OTUD7A: variants seen among roughly 807,000 people sequenced by gnomAD.
The protein encoded by OTUD7A is OTU deubiquitinase 7A.
Under a neutral mutation model 65.7 loss-of-function variants are expected in OTUD7A, and 12 were observed. The observed-to-expected ratio is 0.18, with a 90% CI of 0.12 to 0.30. The LOEUF (loss-of-function observed/expected upper bound fraction) is 0.30, where lower values mean the gene tolerates loss of function less well. OTUD7A is among the 10% of genes least tolerant of loss of function. The pLI, the probability that OTUD7A is intolerant of heterozygous loss-of-function variation, is 1.00. For synonymous variants in OTUD7A, 641 were observed against 586.3 expected (o/e 1.09, Z -1.35); for missense variants, 1,148 against 1,304.8 (o/e 0.88, Z 1.85).
chr15:31,681,254 T>C (rs890632552), intron 1 of OTUD7A, among the ~76,000 whole-genome samples: 6 of 152,014 alleles, frequency 3.9e-5, no homozygotes, highest in Non-Finnish European at 8.8e-5. Context: ...TAACTATCCA[T>C]GTTTCTTTCT....
chr15:31,856,128 T>C (rs1171646925), intron 1 of OTUD7A, among the ~76,000 whole-genome samples: 1 of 152,262 alleles, frequency 6.6e-6, no homozygotes, highest in African/African-American at 2.4e-5. Flanking sequence ...AAGTCTTTAA[T>C]CACTAAATAA....
rs571457697 is a variant in OTUD7A at position 31,793,808 on chromosome 15, T to C, written c.-100+76699A>G. 2.6e-5 allele frequency among the ~76,000 whole-genome samples: 4 copies of C among 152,370 alleles called. No individual in the cohort carries two copies. The East Asian group carries it at 5.8e-4, about 22-fold the overall frequency. On this transcript the variant is annotated intron_variant, in intron 1 of 12. Coordinates refer to ENST00000307050, the MANE Select transcript of OTUD7A (RefSeq NM_001382637.1). ...CTGTAAAATGCCTGATTATACACTTTGGCCATTTTTCCATGTAGGCTCTTC... is the reference window on the plus strand; with the variant it reads ...CTGTAAAATGCCTGATTATACACTTCGGCCATTTTTCCATGTAGGCTCTTC...
intron 1 of OTUD7A, chr15:31,767,123 T>C (rs1272022330): frequency 2.6e-6 from 4 of 1,543,066 alleles, no homozygotes; most frequent in East Asian, 2.2e-5. Context: ...TCTTTATTTT[T>C]TTTTCTCTAC....
intron 3 of OTUD7A, among the ~76,000 whole-genome samples, chr15:31,652,695 A>C (rs1460256865): frequency 6.6e-6 from 1 of 152,206 alleles, no homozygotes; most frequent in Non-Finnish European, 1.5e-5. Context: ...AAAGAGAATA[A>C]AAAGATGGAA....
chr15:31,505,178 G>A (rs1419665406), intron 8 of OTUD7A, among the ~76,000 whole-genome samples: 1 of 152,138 alleles, frequency 6.6e-6, no homozygotes, highest in Non-Finnish European at 1.5e-5. Context: ...TGGGTGGAAT[G>A]GGATTTTACA....
chr15:31,864,790 C>T (rs1897835426), intron 1 of OTUD7A, among the ~76,000 whole-genome samples: 1 of 151,928 alleles, frequency 6.6e-6, no homozygotes, highest in Non-Finnish European at 1.5e-5. Context: ...CACACACACA[C>T]ACACAAGTCA....
chr15:31,666,892 G>A (rs1395375924), intron 1 of OTUD7A, among the ~76,000 whole-genome samples: 1 of 152,146 alleles, frequency 6.6e-6, no homozygotes, highest in Admixed American at 6.6e-5. Context: ...TTGACCCAAT[G>A]CTCATTCAGG....
intron 8 of OTUD7A, among the ~76,000 whole-genome samples, chr15:31,519,152 G>A (rs578253027): frequency 4.7e-4 from 72 of 152,258 alleles, no homozygotes; most frequent in African/African-American, 1.6e-3. Flanking sequence ...GCACGCACGC[G>A]CACTCACACT....
At chr15:31,595,576 C>T (rs1002415880) in intron 3 of OTUD7A, among the ~76,000 whole-genome samples, 21 of 152,306 alleles carry the variant, frequency 1.4e-4, no homozygotes, top group African/African-American at 4.3e-4. Flanking sequence ...CCAGCCAATC[C>T]CTCTGGCATC....
intron 3 of OTUD7A, among the ~76,000 whole-genome samples, chr15:31,627,995 C>T (rs1167509189): frequency 2.0e-5 from 3 of 152,032 alleles, no homozygotes; most frequent in African/African-American, 7.3e-5. Flanking sequence ...GATACTAGCC[C>T]TTTGTCAGAT....
intron 3 of OTUD7A, among the ~76,000 whole-genome samples, chr15:31,591,623 G>A (rs1889726912): frequency 6.6e-6 from 1 of 152,154 alleles, no homozygotes; most frequent in South Asian, 2.1e-4. Flanking sequence ...CAGGTCGTGA[G>A]ACTTCTCAGC....
At chr15:31,530,395 C>G (rs2042070636) in intron 6 of OTUD7A, among the ~76,000 whole-genome samples, 1 of 152,222 alleles carries the variant, frequency 6.6e-6, no homozygotes, top group African/African-American at 2.4e-5. Context: ...AAAGATCCCA[C>G]CTCCTCCCAG....
At chr15:31,674,647 G>A (rs999418699) in intron 1 of OTUD7A, among the ~76,000 whole-genome samples, 1 of 152,194 alleles carries the variant, frequency 6.6e-6, no homozygotes. Context: ...CAATCTGCAT[G>A]TGCCATGCTG....
intron 5 of OTUD7A, among the ~76,000 whole-genome samples, chr15:31,553,739 C>T (rs569120396): frequency 9.2e-5 from 14 of 152,108 alleles, no homozygotes; most frequent in Middle Eastern, 6.8e-3. Context: ...TACCCCATAG[C>T]CGTGTCTCTC....
At chr15:31,656,791 G>A (rs2141279688) in intron 2 of OTUD7A, among the ~76,000 whole-genome samples, 192 bp downstream of exon 2, 2 of 151,974 alleles carry the variant, frequency 1.3e-5, no homozygotes, top group Middle Eastern at 6.8e-3. Flanking sequence ...TCACCTCTCT[G>A]AGCCCTCCTG....
At chr15:31,681,927 G>A (rs1892726845) in intron 1 of OTUD7A, among the ~76,000 whole-genome samples, 1 of 151,966 alleles carries the variant, frequency 6.6e-6, no homozygotes, top group South Asian at 2.1e-4. Flanking sequence ...AAATTAATGA[G>A]GCAGTTATAT....
chr15:31,558,713 G>A, intron 5 of OTUD7A: 1 of 572,600 alleles, frequency 1.7e-6, no homozygotes, highest in South Asian at 2.3e-5. Context: ...CCTTAAAGGA[G>A]GACTGGGATT....
chr15:31,545,929 T>C (rs1888117083), intron 5 of OTUD7A, among the ~76,000 whole-genome samples: 1 of 152,120 alleles, frequency 6.6e-6, no homozygotes, highest in African/African-American at 2.4e-5. Flanking sequence ...CAACTGCTGA[T>C]AGAAATAATC....
intron 4 of OTUD7A, among the ~76,000 whole-genome samples, chr15:31,568,865 C>T (rs148866972): frequency 1.6e-3 from 238 of 152,304 alleles, no homozygotes; most frequent in African/African-American, 5.2e-3. Flanking sequence ...AGTGCCTGTT[C>T]CCCCTTTGCC....
Sources: gnomAD v4.1 joint callset for allele counts (sites outside exome capture counted in the v4.1 genomes callset) on GRCh38, gnomAD v4.1.1 for gene constraint, MANE v1.5 for transcripts, NCBI Gene and HGNC (gene_info 2026-07-23, HGNC 2026-07-21) for gene names.